PTPRD: variants seen among roughly 807,000 people sequenced by gnomAD.
PTPRD encodes the protein receptor-type tyrosine-protein phosphatase delta.
PTPRD carries 34 observed loss-of-function variants against 214.5 expected under a neutral mutation model. The observed-to-expected ratio is 0.16, with a 90% CI of 0.12 to 0.21. The LOEUF (loss-of-function observed/expected upper bound fraction) is 0.21, where lower values mean the gene tolerates loss of function less well. Among genes scored for constraint, PTPRD ranks in the 10% least tolerant of loss-of-function variants. The pLI is 1.00. For missense variants in PTPRD, 2,545 were observed against 2,398.7 expected (o/e 1.06, Z -1.27); for synonymous variants, 1,128 against 845.7 (o/e 1.33, Z -5.79).
chr9:9,756,345 A>G (rs1420614392), intron 6 of PTPRD, among the ~76,000 whole-genome samples: 1 of 152,006 alleles, frequency 6.6e-6, no homozygotes, highest in Admixed American at 6.6e-5. Flanking sequence ...CTAGAACACT[A>G]GTTCCTTTGG....
intron 11 of PTPRD, among the ~76,000 whole-genome samples, chr9:8,879,474 G>A (rs2098423722): frequency 6.6e-6 from 1 of 152,112 alleles, no homozygotes; most frequent in African/African-American, 2.4e-5. Flanking sequence ...GCACAATGAT[G>A]AGAAAACAAA....
chr9:9,816,579 T>C (rs776704982), intron 5 of PTPRD, among the ~76,000 whole-genome samples: 1 of 152,098 alleles, frequency 6.6e-6, no homozygotes, highest in Non-Finnish European at 1.5e-5. Context: ...TATAATACTT[T>C]CCTGTTAACA....
chr9:10,059,401 T>C (rs1010039822), intron 3 of PTPRD, among the ~76,000 whole-genome samples: 15 of 152,108 alleles, frequency 9.9e-5, no homozygotes, highest in Admixed American at 9.2e-4. Flanking sequence ...GCAGCATCCA[T>C]TGGACCATTC....
chr9:9,138,963 G>T (rs956401691), intron 10 of PTPRD, among the ~76,000 whole-genome samples: 1 of 152,006 alleles, frequency 6.6e-6, no homozygotes, highest in African/African-American at 2.4e-5. Flanking sequence ...AATAGTTACA[G>T]TAATCTTCAT....
intron 2 of PTPRD, among the ~76,000 whole-genome samples, chr9:10,466,723 C>G (rs537470804): frequency 6.6e-6 from 1 of 151,232 alleles, no homozygotes; most frequent in East Asian, 1.9e-4. Flanking sequence ...ATTCAGACTT[C>G]GAGCATCTGA....
chr9:10,186,702 A>T (rs1221805714), intron 3 of PTPRD, among the ~76,000 whole-genome samples: 2 of 152,132 alleles, frequency 1.3e-5, no homozygotes, highest in African/African-American at 2.4e-5. Flanking sequence ...TAAGTACACT[A>T]CTCAAAATGG....
intron 12 of PTPRD, 126 bp from the exon 13 acceptor site, chr9:8,636,970 T>TTGCTTTG: frequency 1.1e-6 from 1 of 883,348 alleles, no homozygotes; most frequent in African/African-American, 1.7e-5. Context: ...TACAATGCAC[T>TTGCTTTG]ATGGGATTAC....
At chr9:9,456,436 G>C (rs1281805004) in intron 8 of PTPRD, among the ~76,000 whole-genome samples, 4 of 151,978 alleles carry the variant, frequency 2.6e-5, no homozygotes, top group Non-Finnish European at 4.4e-5. Flanking sequence ...AAATGACAGA[G>C]AGAAAGAATG....
At chr9:10,509,073 T>G (rs1179637513) in intron 2 of PTPRD, among the ~76,000 whole-genome samples, 1 of 152,086 alleles carries the variant, frequency 6.6e-6, no homozygotes, top group Non-Finnish European at 1.5e-5. Flanking sequence ...AAATTTATTA[T>G]TTTTTCCTTT....
chr9:9,222,647 A>G (rs1206134740), intron 9 of PTPRD, among the ~76,000 whole-genome samples: 2 of 152,074 alleles, frequency 1.3e-5, no homozygotes, highest in African/African-American at 2.4e-5. Context: ...AATATGCAAA[A>G]GAATACAATT....
At chr9:10,363,767 G>T (rs368746787) in intron 2 of PTPRD, among the ~76,000 whole-genome samples, 9 of 151,964 alleles carry the variant, frequency 5.9e-5, no homozygotes, top group African/African-American at 2.2e-4. Flanking sequence ...CCCCTTATGG[G>T]TTTTTTTGCA....
At chr9:8,502,978 A>G (rs2097446065) in intron 23 of PTPRD, among the ~76,000 whole-genome samples, 1 of 152,062 alleles carries the variant, frequency 6.6e-6, no homozygotes, top group African/African-American at 2.4e-5. Flanking sequence ...ATCTTCTACA[A>G]TACTATTTAT....
chr9:10,011,423 T>G (rs1041636353), intron 4 of PTPRD, among the ~76,000 whole-genome samples: 4 of 151,930 alleles, frequency 2.6e-5, no homozygotes, highest in African/African-American at 7.2e-5. Context: ...ACAAAACAAA[T>G]AAAAGAAGAA....
chr9:9,929,605 G>C (rs895921487), intron 5 of PTPRD, among the ~76,000 whole-genome samples: 9 of 152,104 alleles, frequency 5.9e-5, no homozygotes, highest in Non-Finnish European at 1.2e-4. Flanking sequence ...TGTTGGCCAG[G>C]ATAGTCTCAA....
At chr9:8,734,859 G>A (rs954747486) in intron 11 of PTPRD, among the ~76,000 whole-genome samples, 5 of 152,170 alleles carry the variant, frequency 3.3e-5, no homozygotes, top group Non-Finnish European at 7.4e-5. Context: ...CTGACATCAT[G>A]GAAATAGTGT....
rs2097661373 is a variant in PTPRD, at chr9:10,373,099, C to T, written c.-599-32082G>A. 2.0e-5 allele frequency among the ~76,000 whole-genome samples: 3 copies of T among 148,854 alleles called. No homozygotes were observed. In the Admixed American group the frequency reaches 2.0e-4, roughly 10 times the overall value. On this transcript the variant is annotated intron_variant, in intron 2 of 45. Coordinates refer to ENST00000381196, the MANE Select transcript of PTPRD (RefSeq NM_002839.4). ...CCGCCAGCCTTGGCCTCCCAAAGTG[C>T]TAGGATTACAGCTTGAGTCACTGTG... is the stretch of plus-strand genomic sequence containing the variant.
At chr9:8,644,220 C>T (rs2096639320) in intron 12 of PTPRD, among the ~76,000 whole-genome samples, 1 of 151,810 alleles carries the variant, frequency 6.6e-6, no homozygotes, top group Admixed American at 6.6e-5. Flanking sequence ...GCTACCCTCT[C>T]TGCTGGGAGG....
intron 2 of PTPRD, among the ~76,000 whole-genome samples, chr9:10,541,852 A>G (rs2059191369): frequency 6.6e-6 from 1 of 152,060 alleles, no homozygotes; most frequent in African/African-American, 2.4e-5. Flanking sequence ...AACAAATGAG[A>G]TTTTTACCAA....
rs1555626943 is a variant in PTPRD, at chr9:10,612,220, A to AAAAG, written c.-600+177_-600+178insCTTT. On this transcript the variant is annotated intron_variant, in intron 2 of 45. Coordinates refer to ENST00000381196, the MANE Select transcript of PTPRD (RefSeq NM_002839.4). ...CTAAGGGCTCTTCCAAAAAAAAAAAAAAAAGAAAAAAATGCTTAGCGAACC... is the reference window on the plus strand; with the variant it reads ...CTAAGGGCTCTTCCAAAAAAAAAAAAAAAGAAAAGAAAAAAATGCTTAGCGAACC... 4.6e-5 allele frequency among the ~76,000 whole-genome samples: 7 copies of AAAAG among 151,664 alleles called. 1 individual carries two copies. The highest frequency in any genetic ancestry group is 7.2e-5 in the African/African-American group (3 of 41,456).
Sources: gnomAD v4.1 joint callset for allele counts (sites outside exome capture counted in the v4.1 genomes callset) on GRCh38, gnomAD v4.1.1 for gene constraint, MANE v1.5 for transcripts, NCBI Gene and HGNC (gene_info 2026-07-23, HGNC 2026-07-21) for gene names.